The following RBFOX1 variants were observed in gnomAD, a reference collection of about 807,000 sequenced individuals.
RBFOX1 encodes the protein RNA binding fox-1 homolog 1.
A neutral mutation model predicts 57.7 loss-of-function variants in RBFOX1; 8 were observed. That is an observed-to-expected ratio of 0.14 (90% CI 0.08 to 0.25). RBFOX1 has a LOEUF of 0.25. RBFOX1 is among the 10% of genes least tolerant of loss of function. RBFOX1 has a pLI of 1.00. For synonymous variants in RBFOX1, 326 were observed against 222.4 expected (o/e 1.47, Z -4.15); for missense variants, 611 against 548.5 (o/e 1.11, Z -1.14).
At chr16:7,416,369 T>A (rs1393035262) in intron 4 of RBFOX1, among the ~76,000 whole-genome samples, 1 of 152,040 alleles carries the variant, frequency 6.6e-6, no homozygotes, top group African/African-American at 2.4e-5. Flanking sequence ...AGAATAGAGG[T>A]TTTTATTCCC....
At chr16:5,562,022 G>GA (rs1179194290) in intron 2 of RBFOX1, among the ~76,000 whole-genome samples, 1 of 152,130 alleles carries the variant, frequency 6.6e-6, no homozygotes, top group Non-Finnish European at 1.5e-5. Flanking sequence ...AAGACACAGG[G>GA]AAACTTGTCT....
At chr16:5,498,649 TG>T (rs1279797339) in intron 2 of RBFOX1, among the ~76,000 whole-genome samples, 1 of 152,206 alleles carries the variant, frequency 6.6e-6, no homozygotes, top group East Asian at 1.9e-4. Flanking sequence ...GCTAGGCTGT[TG>T]GGAGAGAAGA....
chr16:7,259,430 C>T (rs933187930), intron 4 of RBFOX1, among the ~76,000 whole-genome samples: 1 of 151,852 alleles, frequency 6.6e-6, no homozygotes, highest in African/African-American at 2.4e-5. Flanking sequence ...ATGAGTGAGA[C>T]CCCTGTAGAG....
chr16:5,504,387 A>C (rs1472465399), intron 2 of RBFOX1, among the ~76,000 whole-genome samples: 1 of 152,210 alleles, frequency 6.6e-6, no homozygotes, highest in African/African-American at 2.4e-5. Context: ...CTGGATAACA[A>C]GGAAACCTGG....
At chr16:7,393,335 G>A (rs919125583) in intron 4 of RBFOX1, among the ~76,000 whole-genome samples, 21 of 152,216 alleles carry the variant, frequency 1.4e-4, no homozygotes, top group African/African-American at 2.4e-4. Context: ...CAAGATGCTC[G>A]TCACTTCTTG....
At chr16:6,876,629 T>C (rs1178087179) in intron 3 of RBFOX1, among the ~76,000 whole-genome samples, 2 of 150,518 alleles carry the variant, frequency 1.3e-5, no homozygotes, top group Non-Finnish European at 3.0e-5. Flanking sequence ...CTTGTATCTA[T>C]TTTTTTTTTC....
At chr16:6,759,608 CT>C (rs1367682962) in intron 3 of RBFOX1, among the ~76,000 whole-genome samples, 1 of 151,422 alleles carries the variant, frequency 6.6e-6, no homozygotes, top group Non-Finnish European at 1.5e-5. Flanking sequence ...GTGGCAGAGC[CT>C]TTTGTTCTTT....
At chr16:6,443,046 T>C (rs1739945528) in intron 2 of RBFOX1, among the ~76,000 whole-genome samples, 1 of 152,210 alleles carries the variant, frequency 6.6e-6, no homozygotes, top group African/African-American at 2.4e-5. Flanking sequence ...GGACCCACTT[T>C]GGAAATATTG....
At chr16:6,291,148 G>T (rs2077427011) in intron 1 of RBFOX1, among the ~76,000 whole-genome samples, 1 of 152,116 alleles carries the variant, frequency 6.6e-6, no homozygotes, top group Admixed American at 6.5e-5. Context: ...GTGGGTTTTG[G>T]CCACCTTCTC....
At chr16:6,448,361 G>T (rs2094529781) in intron 2 of RBFOX1, among the ~76,000 whole-genome samples, 1 of 151,706 alleles carries the variant, frequency 6.6e-6, no homozygotes, top group Non-Finnish European at 1.5e-5. Context: ...GCTTCACCAT[G>T]TTGACCAGGC....
At chr16:6,696,527 G>A (rs762286884) in intron 3 of RBFOX1, among the ~76,000 whole-genome samples, 7 of 152,272 alleles carry the variant, frequency 4.6e-5, no homozygotes, top group East Asian at 3.9e-4. Context: ...ATTAGATGGA[G>A]AACTTCAAAT....
chr16:6,113,897 C>T (rs892249377), intron 1 of RBFOX1, among the ~76,000 whole-genome samples: 5 of 152,128 alleles, frequency 3.3e-5, no homozygotes, highest in African/African-American at 7.2e-5. Flanking sequence ...GTATCACCAC[C>T]GGCATAATAA....
chr16:5,659,313 T>G (rs982198318), intron 3 of RBFOX1, among the ~76,000 whole-genome samples: 29 of 150,158 alleles, frequency 1.9e-4, no homozygotes, highest in African/African-American at 6.1e-4. Flanking sequence ...CTTTTTTTTT[T>G]TTTTTTTTGA....
At chr16:5,457,760 C>G (rs1367121067) in intron 1 of RBFOX1, among the ~76,000 whole-genome samples, 2 of 152,220 alleles carry the variant, frequency 1.3e-5, no homozygotes, top group Non-Finnish European at 2.9e-5. Context: ...TCTGTGTGGA[C>G]TCACTTCCTG....
At chr16:6,835,544 G>C (rs531346998) in intron 3 of RBFOX1, among the ~76,000 whole-genome samples, 1 of 151,848 alleles carries the variant, frequency 6.6e-6, no homozygotes, top group Admixed American at 6.6e-5. Flanking sequence ...TTGAGGCCAG[G>C]AGTTTGAGAC....
chr16:7,197,907 C>T (rs780264292), intron 4 of RBFOX1, among the ~76,000 whole-genome samples: 1 of 151,196 alleles, frequency 6.6e-6, no homozygotes, highest in Non-Finnish European at 1.5e-5. Flanking sequence ...GCCAAGGGAG[C>T]AGGAATTGGG....
At chr16:5,938,377 C>T (rs963006596) in intron 4 of RBFOX1, among the ~76,000 whole-genome samples, 5 of 152,180 alleles carry the variant, frequency 3.3e-5, no homozygotes, top group Non-Finnish European at 7.3e-5. Context: ...TTTCAGTGCA[C>T]ATTCTCAAGC....
chr16:7,252,956 A>G (rs1272050476), intron 4 of RBFOX1, among the ~76,000 whole-genome samples: 1 of 152,202 alleles, frequency 6.6e-6, no homozygotes, highest in Non-Finnish European at 1.5e-5. Flanking sequence ...TAAATTTTGT[A>G]AATAAGCATG....
In RBFOX1 at chr16:5,683,473, C is replaced by T. The variant is rs150621209; in HGVS notation, c.318+84512C>T. ...AACATTTGAGTCAGTGGGCTGGGAA[C>T]GCAGATCCACCCTGAATCTGGTGGG... On this transcript the variant is annotated intron_variant, in intron 3 of 19. Transcript: ENST00000641259. Among the ~76,000 whole-genome samples, 12 of 151,938 alleles carry T rather than the reference C, an allele frequency of 7.9e-5. No homozygotes were observed. In the South Asian group the frequency reaches 1.3e-3, roughly 16 times the overall value.
Sources: gnomAD v4.1 joint callset for allele counts (sites outside exome capture counted in the v4.1 genomes callset) on GRCh38, gnomAD v4.1.1 for gene constraint, MANE v1.5 for transcripts, NCBI Gene and HGNC (gene_info 2026-07-23, HGNC 2026-07-21) for gene names.